Variants in TTC27 observed in about 807,000 individuals in gnomAD.
TTC27 encodes the protein tetratricopeptide repeat protein 27.
Under a neutral mutation model 115.9 loss-of-function variants are expected in TTC27, and 79 were observed. That is an observed-to-expected ratio of 0.68 (90% confidence interval 0.57 to 0.82). TTC27 has a LOEUF of 0.82. TTC27 is among the 40% of genes least tolerant of loss of function. The pLI is 0.00. For synonymous variants in TTC27, 401 were observed against 356.0 expected (o/e 1.13, Z -1.42); for missense variants, 1,054 against 993.1 (o/e 1.06, Z -0.82).
chr2:32,741,486 AC>A (rs1668635519), intron 12 of TTC27, among the ~76,000 whole-genome samples: 1 of 150,650 alleles, frequency 6.6e-6, no homozygotes. Flanking sequence ...TACTAAAAAT[AC>A]AAAAAAAAAA....
intron 18 of TTC27, among the ~76,000 whole-genome samples, chr2:32,816,346 T>G (rs745843130): frequency 6.6e-6 from 1 of 152,070 alleles, no homozygotes. Context: ...TTTTCTATCC[T>G]TGGTCTACAA....
chr2:32,721,097 G>A (rs1166929927), intron 10 of TTC27, among the ~76,000 whole-genome samples: 1 of 152,134 alleles, frequency 6.6e-6, no homozygotes, highest in Non-Finnish European at 1.5e-5. Context: ...AGTGGGTATG[G>A]CTTCAAAATT....
At chr2:32,678,322 C>G (rs1666290581) in intron 8 of TTC27, among the ~76,000 whole-genome samples, 1 of 151,186 alleles carries the variant, frequency 6.6e-6, no homozygotes, top group African/African-American at 2.4e-5. Context: ...TATTTGTCAG[C>G]ATTTTATTTT....
chr2:32,794,232 A>G (rs891233441), intron 16 of TTC27, among the ~76,000 whole-genome samples: 21 of 152,230 alleles, frequency 1.4e-4, no homozygotes, highest in African/African-American at 4.8e-4. Flanking sequence ...ATTCAAAAAG[A>G]TAGATGTCAT....
At chr2:32,739,491 G>A (rs1326191402) in intron 12 of TTC27, among the ~76,000 whole-genome samples, 2 of 152,130 alleles carry the variant, frequency 1.3e-5, no homozygotes, top group Non-Finnish European at 1.5e-5. Flanking sequence ...TTTTTTAAAT[G>A]TGCACATGAC....
At position 32,628,053 on chromosome 2, in the gene TTC27, C is replaced by T; in HGVS notation, c.-240C>T. The T allele has an allele frequency of 2.0e-6, 1 of 507,372 alleles. No homozygotes were observed. Among genetic ancestry groups the T allele is most frequent in the South Asian group, 2.2e-5 (1 of 45,222 alleles). The allele number at this position is 507,372 out of a possible 1,614,324, so 31.4% of individuals were successfully genotyped here. A position where few individuals can be genotyped will look rare whatever the true frequency, so the allele number is the denominator to read the frequency against. On this transcript the variant is annotated 5_prime_UTR_variant, in exon 1 of 20. Transcript: ENST00000317907. Reference sequence around the variant, plus strand: ...GCTCCTTACTCAAGCTCGGGTTCTTCTCCTAGGCGGAAGCCAGACCAGAGA... The same window carrying T: ...GCTCCTTACTCAAGCTCGGGTTCTTTTCCTAGGCGGAAGCCAGACCAGAGA...
chr2:32,643,250 A>T (rs1187558195), intron 4 of TTC27, among the ~76,000 whole-genome samples: 1 of 152,020 alleles, frequency 6.6e-6, no homozygotes, highest in African/African-American at 2.4e-5. Context: ...AAGTAAGTTG[A>T]TCTGAGTTAA....
chr2:32,629,513 C>T (rs896334125), intron 1 of TTC27, among the ~76,000 whole-genome samples: 1 of 152,090 alleles, frequency 6.6e-6, no homozygotes, highest in Non-Finnish European at 1.5e-5. Flanking sequence ...CGGCTCACTG[C>T]AAGCTCCACC....
At chr2:32,798,790 A>C (rs536812781) in intron 16 of TTC27, among the ~76,000 whole-genome samples, 1 of 152,206 alleles carries the variant, frequency 6.6e-6, no homozygotes, top group African/African-American at 2.4e-5. Flanking sequence ...TGTTGGTGGG[A>C]ATGTAAAACA....
rs1270490564 is a variant in TTC27, at chr2:32,788,237, A to C, written c.1998+1088A>C. Among the ~76,000 whole-genome samples the C allele has an allele frequency of 2.0e-5, 3 of 152,136 alleles. No individual in the cohort carries two copies. In the South Asian group the frequency reaches 6.2e-4, roughly 32 times the overall value. On this transcript the variant is annotated intron_variant, in intron 16 of 19. Transcript: ENST00000317907. ...ATTCTGTTGTTTTCTTTCATATTAA[A>C]AAAAATGTACATGAAACATTCAAAT...
At chr2:32,680,064 A>G (rs974350066) in intron 9 of TTC27, among the ~76,000 whole-genome samples, 1 of 152,086 alleles carries the variant, frequency 6.6e-6, no homozygotes, top group Non-Finnish European at 1.5e-5. Flanking sequence ...TCACGTTACT[A>G]TTTCCTACAT....
intron 12 of TTC27, among the ~76,000 whole-genome samples, chr2:32,749,891 G>T (rs898536762): frequency 2.2e-4 from 33 of 152,148 alleles, no homozygotes; most frequent in African/African-American, 8.0e-4. Flanking sequence ...GGATACATAA[G>T]TTCAAAAGGT....
intron 4 of TTC27, among the ~76,000 whole-genome samples, chr2:32,645,871 C>T (rs556803093): frequency 6.6e-6 from 1 of 151,576 alleles, no homozygotes; most frequent in Non-Finnish European, 1.5e-5. Flanking sequence ...TATGCACCAC[C>T]AGGCCCGGCT....
chr2:32,810,517 A>G (rs1217360612), intron 16 of TTC27, among the ~76,000 whole-genome samples: 1 of 152,188 alleles, frequency 6.6e-6, no homozygotes, highest in Non-Finnish European at 1.5e-5. Context: ...AACTGTGTGG[A>G]TAGGCTCACC....
chr2:32,777,789 AGT>A (rs760995519), intron 13 of TTC27, 91 bp from the exon 14 acceptor site: 6 of 1,118,638 alleles, frequency 5.4e-6, no homozygotes, highest in South Asian at 5.3e-5. Flanking sequence ...TCTTTCTAGG[AGT>A]GTGTTTGTTG....
chr2:32,663,627 AC>A (rs1665637681), intron 5 of TTC27, among the ~76,000 whole-genome samples: 1 of 150,532 alleles, frequency 6.6e-6, no homozygotes, highest in Non-Finnish European at 1.5e-5. Context: ...CTTGACAGCC[AC>A]CCCCTATTTA....
chr2:32,743,540 G>A (rs1668715332), intron 12 of TTC27, among the ~76,000 whole-genome samples: 1 of 152,110 alleles, frequency 6.6e-6, no homozygotes, highest in Non-Finnish European at 1.5e-5. Flanking sequence ...CCCCAATATA[G>A]CAGGTTTTCA....
intron 16 of TTC27, among the ~76,000 whole-genome samples, chr2:32,810,274 G>A (rs577829503): frequency 3.9e-5 from 6 of 152,330 alleles, no homozygotes; most frequent in African/African-American, 1.4e-4. Context: ...GGTTATTATA[G>A]CAGCCCAGAT....
chr2:32,745,383 A>T (rs1470460660), intron 12 of TTC27, among the ~76,000 whole-genome samples: 1 of 152,146 alleles, frequency 6.6e-6, no homozygotes, highest in Non-Finnish European at 1.5e-5. Flanking sequence ...AGTCAATTCC[A>T]CATCTCTAAA....
Sources: allele counts gnomAD v4.1 joint callset (sites outside exome capture counted in the v4.1 genomes callset), GRCh38; gene constraint gnomAD v4.1.1; transcripts MANE v1.5; gene names NCBI Gene and HGNC (gene_info 2026-07-23, HGNC 2026-07-21).